Variants in XXYLT1 observed in about 807,000 individuals in gnomAD.
XXYLT1 encodes the protein xyloside xylosyltransferase 1.
Under a neutral mutation model 28.9 loss-of-function variants are expected in XXYLT1, and 20 were observed. The ratio of observed to expected loss-of-function variants is 0.69; its 90% CI spans 0.49 to 1.00. The LOEUF is 1.00. XXYLT1 is among the 50% of genes least tolerant of loss of function. XXYLT1 has a pLI of 0.00. For synonymous variants in XXYLT1, 257 were observed against 253.8 expected (o/e 1.01, Z -0.12); for missense variants, 542 against 560.1 (o/e 0.97, Z 0.33).
At chr3:195,218,022 T>G (rs996006076) in intron 2 of XXYLT1, among the ~76,000 whole-genome samples, 3 of 149,986 alleles carry the variant, frequency 2.0e-5, no homozygotes, top group African/African-American at 7.6e-5. Flanking sequence ...TGTCTACAAC[T>G]ATCTGATCTT....
chr3:195,167,389 G>A (rs1362181510), intron 2 of XXYLT1, among the ~76,000 whole-genome samples: 1 of 152,038 alleles, frequency 6.6e-6, no homozygotes, highest in Non-Finnish European at 1.5e-5. Flanking sequence ...TTAGAAGTTC[G>A]AGGCCAGCCT....
intron 2 of XXYLT1, among the ~76,000 whole-genome samples, chr3:195,220,280 T>C (rs1275867982): frequency 6.6e-6 from 1 of 152,168 alleles, no homozygotes; most frequent in African/African-American, 2.4e-5. Flanking sequence ...TAGCTGGGAC[T>C]ACAGGCGCCC....
rs184408467 is a variant in XXYLT1, at chr3:195,173,233, G to C, written c.653-16652C>G. On this transcript the variant is annotated intron_variant, in intron 2 of 3. Transcript: ENST00000310380. This position sits in a 1 kb window ranked among gnomAD's most constrained non-coding sequence, Gnocchi z 4.3. Reference sequence around the variant, plus strand: ...GGAACCGCATCTCCCCTGCATTTTAGGTCCCCTGGCTAACTTTTGTGAGGC... The same window carrying C: ...GGAACCGCATCTCCCCTGCATTTTACGTCCCCTGGCTAACTTTTGTGAGGC... Among the ~76,000 whole-genome samples, 1 of 152,312 alleles carries C rather than the reference G, an allele frequency of 6.6e-6. No individual in the cohort carries two copies. Among genetic ancestry groups the C allele is most frequent in the African/African-American group, 2.4e-5 (1 of 41,570 alleles).
chr3:195,228,084 C>T (rs962460110), intron 1 of XXYLT1, among the ~76,000 whole-genome samples: 3 of 152,202 alleles, frequency 2.0e-5, no homozygotes, highest in Non-Finnish European at 2.9e-5. Context: ...TTCCTCAGTG[C>T]TCCTAAGAGT....
intron 2 of XXYLT1, among the ~76,000 whole-genome samples, chr3:195,182,854 C>G (rs1252040854): frequency 6.6e-6 from 1 of 152,204 alleles, no homozygotes; most frequent in African/African-American, 2.4e-5. Flanking sequence ...AAACAACTCC[C>G]TGAACCCCAA....
At chr3:195,072,065 C>T (rs1221927000) in intron 3 of XXYLT1, among the ~76,000 whole-genome samples, 2 of 152,104 alleles carry the variant, frequency 1.3e-5, no homozygotes, top group African/African-American at 4.8e-5. Flanking sequence ...GGGGTGTGGC[C>T]CGTGCAGTCT....
At position 195,103,613 on chromosome 3, in the gene XXYLT1, T is replaced by C. The variant is rs548848200; in HGVS notation, c.786-33502A>G. Among the ~76,000 whole-genome samples, 11 of 152,386 alleles carry C rather than the reference T, an allele frequency of 7.2e-5. No individual in the cohort carries two copies. The East Asian group carries it at 2.1e-3, about 29-fold the overall frequency. On this transcript the variant is annotated intron_variant, in intron 3 of 3. Coordinates refer to ENST00000310380, the MANE Select transcript of XXYLT1 (RefSeq NM_152531.5). ...GCCTTTTAAAGGCCCTTACATTCAC[T>C]GTCGCTGTGCCTTTACCTAGACTCA... is the stretch of plus-strand genomic sequence containing the variant.
chr3:195,201,524 G>A (rs1280641827), intron 2 of XXYLT1, among the ~76,000 whole-genome samples: 2 of 152,146 alleles, frequency 1.3e-5, no homozygotes, highest in Non-Finnish European at 2.9e-5. Context: ...CTATCTTGAG[G>A]CTGTTCCTTG....
chr3:195,109,257 G>A (rs1484754507), intron 3 of XXYLT1, among the ~76,000 whole-genome samples: 2 of 152,154 alleles, frequency 1.3e-5, no homozygotes, highest in African/African-American at 2.4e-5. Flanking sequence ...GCCCAGCAGC[G>A]CCTTCACTAT....
At chr3:195,227,916 C>T (rs905703421) in intron 1 of XXYLT1, among the ~76,000 whole-genome samples, 4 of 152,224 alleles carry the variant, frequency 2.6e-5, no homozygotes, top group Admixed American at 6.5e-5. Context: ...ATGGCCCATG[C>T]GCAGCCCCAG....
intron 3 of XXYLT1, among the ~76,000 whole-genome samples, chr3:195,080,058 G>A (rs1259792656): frequency 1.3e-5 from 2 of 152,272 alleles, no homozygotes; most frequent in African/African-American, 2.4e-5. Flanking sequence ...AGGAATTTAG[G>A]AGAATGTTGG....
At chr3:195,263,144 C>T (rs528429359) in intron 1 of XXYLT1, among the ~76,000 whole-genome samples, 1 of 152,330 alleles carries the variant, frequency 6.6e-6, no homozygotes, top group South Asian at 2.1e-4. Context: ...TCAAGCCCCA[C>T]CAATGAGCTA....
At chr3:195,122,307 G>A (rs2108615970) in intron 3 of XXYLT1, 1 of 620,638 alleles carries the variant, frequency 1.6e-6, no homozygotes, top group Admixed American at 2.5e-5. Flanking sequence ...GCACCCCTCA[G>A]TAGTCTAAAA....
At chr3:195,100,649 G>T (rs899580157) in intron 3 of XXYLT1, among the ~76,000 whole-genome samples, 1 of 151,996 alleles carries the variant, frequency 6.6e-6, no homozygotes, top group Non-Finnish European at 1.5e-5. Context: ...GCCTACACAC[G>T]CTACCCTCAC....
intron 2 of XXYLT1, among the ~76,000 whole-genome samples, chr3:195,166,491 A>C (rs957538733): frequency 3.3e-5 from 5 of 152,186 alleles, no homozygotes; most frequent in African/African-American, 1.2e-4. Flanking sequence ...TCAGGACACT[A>C]GCAGTAACAC....
At chr3:195,096,221 G>A (rs1716434074) in intron 3 of XXYLT1, among the ~76,000 whole-genome samples, 1 of 152,096 alleles carries the variant, frequency 6.6e-6, no homozygotes. Context: ...CTAAGCCTGG[G>A]GCCACCTAGG....
In XXYLT1 at chr3:195,255,150, G is replaced by A. The variant is rs959185671; in HGVS notation, c.504+15405C>T. Among the ~76,000 whole-genome samples, 1 of 152,248 alleles carries A rather than the reference G, an allele frequency of 6.6e-6. No individual in the cohort carries two copies. Among genetic ancestry groups the A allele is most frequent in the Non-Finnish European group, 1.5e-5 (1 of 68,050 alleles). On this transcript the variant is annotated intron_variant, in intron 1 of 3. Coordinates refer to ENST00000310380, the MANE Select transcript of XXYLT1 (RefSeq NM_152531.5). This position sits in a 1 kb window ranked among gnomAD's most constrained non-coding sequence, Gnocchi z 4.5. Reference sequence around the variant, plus strand: ...AAGGCCATAGGTTTGCAGAGGGAATGCAGTCCCTCAGCAAGGAGCTTCAGT... The same window carrying A: ...AAGGCCATAGGTTTGCAGAGGGAATACAGTCCCTCAGCAAGGAGCTTCAGT...
chr3:195,080,270 G>A (rs1450656161), intron 3 of XXYLT1, among the ~76,000 whole-genome samples: 1 of 152,216 alleles, frequency 6.6e-6, no homozygotes, highest in Non-Finnish European at 1.5e-5. Flanking sequence ...CTGACCTGGG[G>A]ATGCCCACAG....
chr3:195,081,970 T>G (rs532473392), intron 3 of XXYLT1, among the ~76,000 whole-genome samples: 1 of 152,338 alleles, frequency 6.6e-6, no homozygotes, highest in South Asian at 2.1e-4. Flanking sequence ...CCTGCAGTTC[T>G]AGGCCAGGAC....
Sources: allele counts gnomAD v4.1 joint callset (sites outside exome capture counted in the v4.1 genomes callset), GRCh38; gene constraint gnomAD v4.1.1; non-coding constraint Gnocchi (gnomAD v3.1); transcripts MANE v1.5; gene names NCBI Gene and HGNC (gene_info 2026-07-23, HGNC 2026-07-21).